The following DNAH17 variants were observed in gnomAD, a reference collection of about 807,000 sequenced individuals.
DNAH17 encodes the protein axonemal beta dynein heavy chain 17.
In DNAH17, 376 loss-of-function variants were observed where a neutral mutation model predicts 485.6. The ratio of observed to expected loss-of-function variants is 0.77; its 90% CI spans 0.71 to 0.84. The LOEUF (loss-of-function observed/expected upper bound fraction) is 0.84. Among genes scored for constraint, DNAH17 ranks in the 40% least tolerant of loss-of-function variants. The pLI is 0.00. For synonymous variants in DNAH17, 3,031 were observed against 2,405.9 expected (o/e 1.26, Z -7.60); for missense variants, 6,370 against 5,839.3 (o/e 1.09, Z -2.96).
At chr17:78,455,493 T>C (rs2087753255) in intron 63 of DNAH17, 151 bp downstream of exon 63, 1 of 564,406 alleles carries the variant, frequency 1.8e-6, no homozygotes, top group African/African-American at 2.0e-5. Flanking sequence ...CCTGGCTAAT[T>C]TTTTTTTAAA....
chr17:78,468,932 A>G (rs1433991768), intron 54 of DNAH17, 49 bp from the exon 55 acceptor site: 10 of 1,573,138 alleles, frequency 6.4e-6, no homozygotes, highest in African/African-American at 1.3e-5. Flanking sequence ...AAGATGCTCA[A>G]TTAGAGACAT....
intron 47 of DNAH17, chr17:78,485,299 G>T: frequency 1.6e-6 from 1 of 616,344 alleles, no homozygotes; most frequent in East Asian, 2.8e-5. Flanking sequence ...AGACACTCCC[G>T]GGGGACCTGC....
chr17:78,455,709 A>G lies in DNAH17; in HGVS notation c.10105T>C (p.Phe3369Leu). 6.2e-7 allele frequency: 1 copy of G among 1,601,536 alleles called. No homozygotes were observed. Among genetic ancestry groups the G allele is most frequent in the Non-Finnish European group, 8.5e-7 (1 of 1,174,578 alleles). ...AGCTCATTCCGGTATTTCTTGGTGA[A>G]GTAGCCCACGTAGGACACGAAGGCA... Reference protein sequence around the residue: ...ISAFVSYVGYFTKKYRNELME... With the variant: ...ISAFVSYVGYLTKKYRNELME... Residue 3369 changes from phenylalanine (F) to leucine (L), a missense_variant, in exon 63 of 81, where the codon TTC becomes CTC. Coordinates refer to ENST00000389840, the MANE Select transcript of DNAH17 (RefSeq NM_173628.4).
At chr17:78,520,810 T>C (rs1296758395) in intron 25 of DNAH17, among the ~76,000 whole-genome samples, 3 of 152,258 alleles carry the variant, frequency 2.0e-5, no homozygotes, top group Non-Finnish European at 4.4e-5. Flanking sequence ...AATTGATTAA[T>C]AGTTTTAACG....
chr17:78,497,527 T>C (rs909238071), intron 37 of DNAH17, among the ~76,000 whole-genome samples: 2 of 152,168 alleles, frequency 1.3e-5, no homozygotes, highest in African/African-American at 4.8e-5. Context: ...TATATAAATA[T>C]TCTGGGGTTT....
chr17:78,492,502 G>T, intron 42 of DNAH17, 131 bp downstream of exon 42: 2 of 1,287,514 alleles, frequency 1.6e-6, no homozygotes, highest in Non-Finnish European at 2.1e-6. Flanking sequence ...TGCCACCATT[G>T]CAGGCCACGT....
chr17:78,490,174 C>A (rs893131229), intron 44 of DNAH17: 1 of 153,160 alleles, frequency 6.5e-6, no homozygotes, highest in African/African-American at 2.4e-5. Flanking sequence ...GCTTTTCCCT[C>A]GTCACATTGG....
At chr17:78,512,744 C>T (rs593333) in intron 26 of DNAH17, among the ~76,000 whole-genome samples, 101,859 of 151,758 alleles carry the variant, frequency 0.67, 34,630 homozygotes, top group East Asian at 0.92. Flanking sequence ...GAGTTTGAGA[C>T]CAGCTTGGCC....
Position 78,494,625 on chromosome 17 carries a change from C to T in DNAH17, c.6238G>A (p.Val2080Met), listed in dbSNP as rs200170934. 2.5e-5 allele frequency: 40 copies of T among 1,613,868 alleles called. No individual in the cohort carries two copies. The highest frequency in any genetic ancestry group is 2.0e-4 in the African/African-American group (15 of 75,062). The change falls in exon 40 of 81, where the codon GTG becomes ATG. Residue 2080 changes from valine to methionine, a missense_variant. Coordinates refer to ENST00000389840, the MANE Select transcript of DNAH17 (RefSeq NM_173628.4). The stretch of plus-strand genomic sequence containing the variant: ...AAATTCAGGTCCCGTTTCCGAGGCA[C>T]GTCCAGAGCCGGGAAGAGGTCCCCG... ...LIGDLFPALDVPRKRDLNFEK... is the reference protein window; with the variant it reads ...LIGDLFPALDMPRKRDLNFEK...
intron 11 of DNAH17, among the ~76,000 whole-genome samples, chr17:78,563,747 C>T (rs539068000): frequency 9.3e-5 from 14 of 150,406 alleles, no homozygotes; most frequent in African/African-American, 3.2e-4. Context: ...GAACTAACTC[C>T]GGAACAGGCA....
chr17:78,485,486 C>T, intron 47 of DNAH17, 64 bp downstream of exon 47: 2 of 1,477,660 alleles, frequency 1.4e-6, no homozygotes. Context: ...TGAGAGGGGA[C>T]AGGAGGGAAC....
At chr17:78,541,867 T>C (rs1394987936) in intron 17 of DNAH17, among the ~76,000 whole-genome samples, 2 of 152,126 alleles carry the variant, frequency 1.3e-5, no homozygotes, top group Non-Finnish European at 2.9e-5. Flanking sequence ...ATTTTTGCAG[T>C]TTAGCATTTT....
intron 79 of DNAH17, among the ~76,000 whole-genome samples, 184 bp from the exon 80 acceptor site, chr17:78,425,755 G>GTTTTT (rs1568032936): frequency 3.4e-5 from 3 of 88,310 alleles, no homozygotes; most frequent in African/African-American, 1.1e-4. Context: ...TTTGGTGTCT[G>GTTTTT]CTTTTTTTTT....
intron 31 of DNAH17, among the ~76,000 whole-genome samples, chr17:78,505,030 C>T (rs9905457): frequency 0.26 from 39,940 of 150,926 alleles, 5,620 homozygotes; most frequent in Middle Eastern, 0.37. Context: ...CTCAGCCTCC[C>T]GAACAGGGCT....
chr17:78,514,597 C>T (rs564338839), intron 26 of DNAH17, among the ~76,000 whole-genome samples, 177 bp downstream of exon 26: 149 of 152,186 alleles, frequency 9.8e-4, no homozygotes, highest in African/African-American at 3.4e-3. Flanking sequence ...CCACCCCCAA[C>T]CAGCGTGGAG....
rs772743839 is a variant in DNAH17 at position 78,525,116 on chromosome 17, A to T, written c.3757T>A (p.Ser1253Thr). Residue 1253 changes from serine (S) to threonine (T), a missense_variant, in exon 25 of 81, where the codon TCC becomes ACC. Physicochemically the swap from Ser to Thr is moderately conservative, Grantham distance 58 (BLOSUM62 1). Coordinates refer to ENST00000389840, the MANE Select transcript of DNAH17 (RefSeq NM_173628.4). ...ACCTCGAACAGGCCCCCGGACTTGG[A>T]CAGCGCCTCCATGATGCCTTCCATG... ...SAMEGIMEAL[S>T]KSGGLFEVPV... 8 of 1,613,760 alleles carry T rather than the reference A, an allele frequency of 5.0e-6. No homozygotes were observed. The Admixed American group carries it at 1.3e-4, about 27-fold the overall frequency.
At position 78,570,873 on chromosome 17, in the gene DNAH17, A is replaced by G. The variant is rs933790235; in HGVS notation, c.918+75T>C. The G allele has an allele frequency of 7.1e-4, 565 of 790,572 alleles. 7 individuals are homozygous for G. In the East Asian group the frequency reaches 0.014, roughly 19 times the overall value. 49.0% of individuals were successfully genotyped at this position (790,572 alleles called of 1,614,324 possible). ...CTCCCTCTCAAAAAAAAAAAAAAAA[A>G]AAAAAGAAAAAAGAAAAGAAAAGAA... On this transcript the variant is annotated intron_variant, in intron 6 of 80. Coordinates refer to ENST00000389840, the MANE Select transcript of DNAH17 (RefSeq NM_173628.4).
intron 42 of DNAH17, among the ~76,000 whole-genome samples, chr17:78,491,981 G>T (rs144867055): frequency 6.6e-6 from 1 of 152,158 alleles, no homozygotes. Flanking sequence ...GTGGGGGCTG[G>T]GGGTACAGAG....
rs115727849 is a variant in DNAH17, at chr17:78,571,040, G to T, written c.833-7C>A. On this transcript the variant is annotated splice_polypyrimidine_tract_variant and splice_region_variant and intron_variant, in intron 5 of 80. Transcript: ENST00000389840. ...TCGTTGGCTTCCTTCAGCCCTGCAC[G>T]GAACAAGAACAAGTGCCCACCGGTA... 6.4e-7 allele frequency: 1 copy of T among 1,564,980 alleles called. No individual in the cohort carries two copies. The highest frequency in any genetic ancestry group is 8.7e-7 in the Non-Finnish European group (1 of 1,154,394).
Sources: gnomAD v4.1 joint callset for allele counts (sites outside exome capture counted in the v4.1 genomes callset) on GRCh38, gnomAD v4.1.1 for gene constraint, MANE v1.5 for transcripts, NCBI Gene and HGNC (gene_info 2026-07-23, HGNC 2026-07-21) for gene names.